MAD1L1: variants seen among roughly 807,000 people sequenced by gnomAD.
MAD1L1 encodes mitotic arrest deficient 1 like 1, also known as mitotic spindle assembly checkpoint protein MAD1.
Under a neutral mutation model 96.9 loss-of-function variants are expected in MAD1L1, and 95 were observed. The observed-to-expected ratio is 0.98, with a 90% confidence interval of 0.83 to 1.16. The LOEUF (loss-of-function observed/expected upper bound fraction) is 1.16, where lower values mean the gene tolerates loss of function less well. MAD1L1 is among the 50% of genes most tolerant of loss of function. The probability of loss-of-function intolerance (pLI) is 0.00; values close to 1 mark genes in which losing one functional copy is unlikely to be tolerated. For missense variants in MAD1L1, 1,007 were observed against 954.4 expected (o/e 1.06, Z -0.73); for synonymous variants, 473 against 396.6 (o/e 1.19, Z -2.29).
At chr7:1,966,738 T>C (rs870157) in intron 15 of MAD1L1, among the ~76,000 whole-genome samples, 5,136 of 152,284 alleles carry the variant, frequency 0.034, 189 homozygotes, top group East Asian at 0.086. Flanking sequence ...GGAACAGCGA[T>C]TCGAGCGTCT....
chr7:2,012,126 A>AG (rs1344522191), intron 13 of MAD1L1, among the ~76,000 whole-genome samples: 1 of 152,206 alleles, frequency 6.6e-6, no homozygotes, highest in African/African-American at 2.4e-5. Context: ...ACATCCCACT[A>AG]GCAGGGTGAG....
intron 12 of MAD1L1, among the ~76,000 whole-genome samples, chr7:2,022,123 C>T (rs1357569850): frequency 6.6e-6 from 1 of 152,048 alleles, no homozygotes; most frequent in African/African-American, 2.4e-5. Context: ...GCCTAGCTTA[C>T]TTTCCTTAGT....
intron 18 of MAD1L1, chr7:1,844,386 G>C (rs1783468542): frequency 6.6e-6 from 1 of 152,498 alleles, no homozygotes; most frequent in African/African-American, 2.4e-5. Flanking sequence ...CCACCTCCAG[G>C]CTGGGGGGAG....
chr7:2,071,725 G>C (rs764517374), intron 11 of MAD1L1, among the ~76,000 whole-genome samples: 24 of 152,054 alleles, frequency 1.6e-4, no homozygotes, highest in Non-Finnish European at 3.2e-4. Context: ...AAAACCCAAA[G>C]GTTTCTCACC....
chr7:2,034,724 C>T (rs1001052344), intron 12 of MAD1L1, among the ~76,000 whole-genome samples: 7 of 152,224 alleles, frequency 4.6e-5, no homozygotes, highest in Non-Finnish European at 7.3e-5. Flanking sequence ...TGAGTGCTTA[C>T]TGGTTGGCTG....
rs759738927 is a variant in MAD1L1 at position 2,149,151 on chromosome 7, C to T, written c.1073+1G>A. The T allele has an allele frequency of 1.4e-5, 23 of 1,613,940 alleles. No individual in the cohort carries two copies. Among genetic ancestry groups the T allele is most frequent in the Non-Finnish European group, 1.8e-5 (21 of 1,180,020 alleles). ...CAAGCACCCTGGGCGGCCAGGTCTA[C>T]CTGCTGGTGACGGCGCTGTTCTTGT... On this transcript the variant is annotated splice_donor_variant, in intron 11 of 18. Transcript: ENST00000265854. LOFTEE classifies it high-confidence loss of function.
intron 13 of MAD1L1, among the ~76,000 whole-genome samples, chr7:2,006,152 C>T (rs534439453): frequency 1.8e-4 from 28 of 152,196 alleles, no homozygotes; most frequent in African/African-American, 6.5e-4. Flanking sequence ...CGTGTGGGTG[C>T]TCCTAAGAAC....
intron 17 of MAD1L1, among the ~76,000 whole-genome samples, chr7:1,919,131 G>A (rs970930209): frequency 3.3e-5 from 5 of 152,358 alleles, no homozygotes; most frequent in Middle Eastern, 3.4e-3. Flanking sequence ...CTCACCCTTG[G>A]TGCGGGGACA....
intron 18 of MAD1L1, among the ~76,000 whole-genome samples, chr7:1,854,526 G>A (rs1784147677): frequency 6.6e-6 from 1 of 152,154 alleles, no homozygotes; most frequent in Non-Finnish European, 1.5e-5. Context: ...GGGGGAAGGG[G>A]CGGGGGGACT....
In MAD1L1 at chr7:2,088,472, G is replaced by A. The variant is rs879735415; in HGVS notation, c.1074-19134C>T. Among the ~76,000 whole-genome samples, 5 of 152,086 alleles carry A rather than the reference G, an allele frequency of 3.3e-5. No individual in the cohort carries two copies. Among genetic ancestry groups the A allele is most frequent in the African/African-American group, 9.7e-5 (4 of 41,406 alleles). The stretch of plus-strand genomic sequence containing the variant: ...CCACTGAACCCCAGAGAGGCTCCCC[G>A]CTTGCCTCCAGGGAACACCGCCCCA... On this transcript the variant is annotated intron_variant, in intron 11 of 18. Coordinates refer to ENST00000265854, the MANE Select transcript of MAD1L1 (RefSeq NM_001013836.2). The surrounding 1 kb of genome is among the most constrained non-coding windows in gnomAD (Gnocchi z 4.4).
At chr7:1,938,054 G>A (rs1317093025) in intron 16 of MAD1L1, among the ~76,000 whole-genome samples, 9 of 412 alleles carry the variant, frequency 0.022, no homozygotes, top group Admixed American at 0.023. Context: ...AACATCAGCC[G>A]CCCACGGCAG....
In MAD1L1 at chr7:1,873,278, C is replaced by T. The variant is rs538202417; in HGVS notation, c.1998+24922G>A. Among the ~76,000 whole-genome samples the T allele has an allele frequency of 6.6e-5, 10 of 152,348 alleles. No individual in the cohort carries two copies. The South Asian group carries it at 8.3e-4, about 13-fold the overall frequency. On this transcript the variant is annotated intron_variant, in intron 18 of 18. Transcript: ENST00000265854. ...CCCCTCTGGACCTCACGGGCTGGGGCGCGAGTCCGGGTCCTGTCCTGGGGC... is the reference window on the plus strand; with the variant it reads ...CCCCTCTGGACCTCACGGGCTGGGGTGCGAGTCCGGGTCCTGTCCTGGGGC...
At chr7:1,976,585 A>C (rs1320683914) in intron 15 of MAD1L1, among the ~76,000 whole-genome samples, 1 of 152,228 alleles carries the variant, frequency 6.6e-6, no homozygotes, top group Admixed American at 6.5e-5. Context: ...GAAAGAACAA[A>C]GCTCCCACAG....
At chr7:2,206,274 A>G (rs914843693) in intron 10 of MAD1L1, among the ~76,000 whole-genome samples, 1 of 152,148 alleles carries the variant, frequency 6.6e-6, no homozygotes, top group East Asian at 1.9e-4. Flanking sequence ...TCTCGCAAAT[A>G]TTTTCCTAGT....
At chr7:2,106,530 C>T (rs2128553911) in intron 11 of MAD1L1, among the ~76,000 whole-genome samples, 1 of 152,260 alleles carries the variant, frequency 6.6e-6, no homozygotes, top group East Asian at 1.9e-4. Flanking sequence ...CCAAGGAGGA[C>T]ACGTGAGCTC....
chr7:2,059,807 G>A (rs1368720555), intron 12 of MAD1L1, among the ~76,000 whole-genome samples: 1 of 152,110 alleles, frequency 6.6e-6, no homozygotes, highest in Non-Finnish European at 1.5e-5. Context: ...GTCATGTGCA[G>A]GGTCAATGTG....
intron 18 of MAD1L1, among the ~76,000 whole-genome samples, chr7:1,864,534 T>C (rs1241871997): frequency 6.6e-6 from 1 of 152,224 alleles, no homozygotes; most frequent in East Asian, 1.9e-4. Flanking sequence ...ACACAGTTGC[T>C]GGGCAATTTG....
At chr7:2,177,819 G>T (rs888340338) in intron 10 of MAD1L1, among the ~76,000 whole-genome samples, 1 of 152,208 alleles carries the variant, frequency 6.6e-6, no homozygotes, top group African/African-American at 2.4e-5. Flanking sequence ...GCCAGAGTTT[G>T]CATCTTCAAC....
At chr7:2,047,081 C>CT (rs1211828539) in intron 12 of MAD1L1, among the ~76,000 whole-genome samples, 1 of 152,224 alleles carries the variant, frequency 6.6e-6, no homozygotes, top group East Asian at 1.9e-4. Flanking sequence ...TGCCACCCTC[C>CT]TGGGCAAACA....
Sources: gnomAD v4.1 joint callset for allele counts (sites outside exome capture counted in the v4.1 genomes callset) on GRCh38, gnomAD v4.1.1 for gene constraint, Gnocchi (gnomAD v3.1) non-coding constraint, MANE v1.5 for transcripts, NCBI Gene and HGNC (gene_info 2026-07-23, HGNC 2026-07-21) for gene names.